Variants in CAMKMT observed in about 807,000 individuals in gnomAD.
CAMKMT encodes the protein CaM KMT.
A neutral mutation model predicts 48.0 loss-of-function variants in CAMKMT; 53 were observed. The ratio of observed to expected loss-of-function variants is 1.10; its 90% CI spans 0.89 to 1.39. The LOEUF is 1.39. CAMKMT is among the 40% of genes most tolerant of loss of function. The pLI, the probability that CAMKMT is intolerant of heterozygous loss-of-function variation, is 0.00. For missense variants in CAMKMT, 428 were observed against 402.7 expected (o/e 1.06, Z -0.54); for synonymous variants, 165 against 152.3 (o/e 1.08, Z -0.61).
chr2:44,481,708 T>C (rs1668973144), intron 3 of CAMKMT, among the ~76,000 whole-genome samples: 1 of 152,106 alleles, frequency 6.6e-6, no homozygotes, highest in African/African-American at 2.4e-5. Context: ...TTGATATTTA[T>C]GTTTTGTAAG....
chr2:44,372,777 C>A lies in CAMKMT; in HGVS notation c.200C>A (p.Ser67Ter). 6.2e-7 allele frequency: 1 copy of A among 1,613,856 alleles called. No individual in the cohort carries two copies. The highest frequency in any genetic ancestry group is 8.5e-7 in the Non-Finnish European group (1 of 1,179,904). Reference sequence around the variant, plus strand: ...CATGTATCTGTAAGAAGATTTGAATCATTTAATCTGTTTTCAGTAACAGAA... The same window carrying A: ...CATGTATCTGTAAGAAGATTTGAATAATTTAATCTGTTTTCAGTAACAGAA... ...LRHVSVRRFE[S>*]FNLFSVTEGK... The change falls in exon 2 of 11, where the codon TCA becomes TAA. Residue 67 changes from serine (S) to a stop codon, truncating the protein, a stop_gained. Transcript: ENST00000378494. LOFTEE classifies it high-confidence loss of function.
rs776641458 is a variant in CAMKMT at position 44,361,977 on chromosome 2, G to A, written c.-31G>A. On this transcript the variant is annotated 5_prime_UTR_variant, in exon 1 of 11. Coordinates refer to ENST00000378494, the MANE Select transcript of CAMKMT (RefSeq NM_024766.5). ...CTGGCAGGGGACGAGCTGCGGCGGT[G>A]GCACCTCCGGGTGTGGAAGGCTCCA... is the stretch of plus-strand genomic sequence containing the variant. 243 of 1,363,556 alleles carry A rather than the reference G, an allele frequency of 1.8e-4. No individual in the cohort carries two copies. Among genetic ancestry groups the A allele is most frequent in the Non-Finnish European group, 2.2e-4 (233 of 1,061,998 alleles). 84.5% of individuals were successfully genotyped at this position (1,363,556 alleles called of 1,614,324 possible).
intron 3 of CAMKMT, among the ~76,000 whole-genome samples, chr2:44,659,011 G>T (rs1254960584): frequency 6.9e-6 from 1 of 144,394 alleles, no homozygotes; most frequent in Non-Finnish European, 1.5e-5. Context: ...ATCCCATGTT[G>T]TTAGCTGTTG....
intron 3 of CAMKMT, among the ~76,000 whole-genome samples, chr2:44,474,535 C>A (rs967570701): frequency 6.6e-6 from 1 of 151,426 alleles, no homozygotes; most frequent in Non-Finnish European, 1.5e-5. Context: ...AGAGGGAGAG[C>A]GAAATGCTAA....
At chr2:44,493,672 G>A (rs1354072132) in intron 3 of CAMKMT, among the ~76,000 whole-genome samples, 1 of 152,072 alleles carries the variant, frequency 6.6e-6, no homozygotes, top group African/African-American at 2.4e-5. Flanking sequence ...ACTAAACTTT[G>A]AGAGCTCCTT....
chr2:44,694,283 A>G (rs567425517), intron 3 of CAMKMT, among the ~76,000 whole-genome samples: 1 of 152,234 alleles, frequency 6.6e-6, no homozygotes, highest in Non-Finnish European at 1.5e-5. Context: ...GACATTTAAA[A>G]TAATTCTAGG....
chr2:44,584,088 C>G (rs551274951), intron 3 of CAMKMT, among the ~76,000 whole-genome samples: 5 of 152,156 alleles, frequency 3.3e-5, no homozygotes, highest in African/African-American at 1.2e-4. Flanking sequence ...GATTGTTTTT[C>G]GAGTTTCAGA....
At chr2:44,424,377 C>A (rs1407476836) in intron 3 of CAMKMT, among the ~76,000 whole-genome samples, 1 of 152,048 alleles carries the variant, frequency 6.6e-6, no homozygotes, top group African/African-American at 2.4e-5. Context: ...GGGCTTACAA[C>A]TCTAAGGGGT....
At chr2:44,652,641 G>A (rs1000441775) in intron 3 of CAMKMT, among the ~76,000 whole-genome samples, 1 of 152,158 alleles carries the variant, frequency 6.6e-6, no homozygotes, top group African/African-American at 2.4e-5. Context: ...ATGCACACAC[G>A]TGCGTACAGA....
At position 44,381,016 on chromosome 2, in the gene CAMKMT, C is replaced by A. The variant is rs567546523; in HGVS notation, c.311+8128C>A. ...CTCTACTAAAAATACAAAAATTAGC[C>A]GGGAGTGGTGGCAGACACCTGTAAT... On this transcript the variant is annotated intron_variant, in intron 2 of 10. Transcript: ENST00000378494. Among the ~76,000 whole-genome samples, 7 of 152,038 alleles carry A rather than the reference C, an allele frequency of 4.6e-5. No homozygotes were observed. In the East Asian group the frequency reaches 1.4e-3, roughly 29 times the overall value.
At chr2:44,701,208 A>G (rs760722296) in intron 3 of CAMKMT, among the ~76,000 whole-genome samples, 8 of 152,106 alleles carry the variant, frequency 5.3e-5, no homozygotes, top group East Asian at 1.9e-4. Flanking sequence ...CTGCTACACA[A>G]TTTTCCAAAG....
At chr2:44,513,602 C>G (rs892442882) in intron 3 of CAMKMT, among the ~76,000 whole-genome samples, 1 of 152,152 alleles carries the variant, frequency 6.6e-6, no homozygotes, top group Non-Finnish European at 1.5e-5. Flanking sequence ...GAGCTCCTCT[C>G]GGGACCATAG....
At chr2:44,577,551 C>T (rs1276896444) in intron 3 of CAMKMT, among the ~76,000 whole-genome samples, 1 of 151,790 alleles carries the variant, frequency 6.6e-6, no homozygotes, top group Non-Finnish European at 1.5e-5. Flanking sequence ...TCTGAGAGGT[C>T]CAGGCTGCAG....
intron 3 of CAMKMT, among the ~76,000 whole-genome samples, chr2:44,487,142 T>G (rs531629490): frequency 1.1e-4 from 17 of 152,346 alleles, no homozygotes; most frequent in African/African-American, 4.1e-4. Context: ...AAAAAAAAGT[T>G]TATGTTAAAG....
intron 3 of CAMKMT, among the ~76,000 whole-genome samples, chr2:44,655,299 A>T (rs535531395): frequency 6.3e-4 from 96 of 152,342 alleles, no homozygotes; most frequent in African/African-American, 2.0e-3. Flanking sequence ...ATGGTTTTCA[A>T]ACATTTAAAT....
chr2:44,764,200 A>G (rs1680737360), intron 9 of CAMKMT, among the ~76,000 whole-genome samples: 1 of 152,212 alleles, frequency 6.6e-6, no homozygotes, highest in Non-Finnish European at 1.5e-5. Flanking sequence ...TGGTGCTGCT[A>G]TAATTATGTG....
At chr2:44,416,053 A>G (rs1683528606) in intron 3 of CAMKMT, among the ~76,000 whole-genome samples, 1 of 152,228 alleles carries the variant, frequency 6.6e-6, no homozygotes, top group South Asian at 2.1e-4. Flanking sequence ...TAATTGTTTC[A>G]GTTAACTAAA....
chr2:44,500,273 T>C (rs1287212428), intron 3 of CAMKMT, among the ~76,000 whole-genome samples: 1 of 152,190 alleles, frequency 6.6e-6, no homozygotes, highest in African/African-American at 2.4e-5. Flanking sequence ...AATATAAGCA[T>C]ACAGTTAAAT....
At chr2:44,676,352 C>T (rs1263098451) in intron 3 of CAMKMT, among the ~76,000 whole-genome samples, 4 of 152,156 alleles carry the variant, frequency 2.6e-5, no homozygotes, top group African/African-American at 9.7e-5. Context: ...TAGATCCAAC[C>T]AGAATATTCC....
Sources: allele counts gnomAD v4.1 joint callset (sites outside exome capture counted in the v4.1 genomes callset), GRCh38; gene constraint gnomAD v4.1.1; transcripts MANE v1.5; gene names NCBI Gene and HGNC (gene_info 2026-07-23, HGNC 2026-07-21).